ATP6V1D: variants seen among roughly 807,000 people sequenced by gnomAD.
The protein encoded by ATP6V1D is V-type proton ATPase subunit D.
In ATP6V1D, 20 loss-of-function variants were observed where a neutral mutation model predicts 39.4. The observed-to-expected ratio is 0.51, with a 90% CI of 0.36 to 0.74. ATP6V1D has a LOEUF of 0.74. Ranked by LOEUF, ATP6V1D falls within the 30% of genes least tolerant of loss-of-function variation. The probability of loss-of-function intolerance (pLI) is 0.00; values close to 1 mark genes in which losing one functional copy is unlikely to be tolerated. For synonymous variants in ATP6V1D, 100 were observed against 100.5 expected, an observed-to-expected ratio of 0.99 and a Z score of 0.03; for missense variants, 228 against 291.6, an observed-to-expected ratio of 0.78 and a Z score of 1.59.
At chr14:67,358,470 A>T (rs1226425597) in intron 1 of ATP6V1D, among the ~76,000 whole-genome samples, 1 of 152,202 alleles carries the variant, frequency 6.6e-6, no homozygotes, top group South Asian at 2.1e-4. Context: ...AAACACCCCC[A>T]CAGAGATAGG....
intron 8 of ATP6V1D, 114 bp downstream of exon 8, chr14:67,340,326 T>G (rs2085569909): frequency 1.2e-6 from 1 of 858,994 alleles, no homozygotes; most frequent in Non-Finnish European, 1.9e-6. Flanking sequence ...TTTATCAGAA[T>G]AAAACATAAG....
intron 8 of ATP6V1D, chr14:67,340,223 G>C (rs1338674476): frequency 2.5e-5 from 12 of 472,264 alleles, no homozygotes; most frequent in South Asian, 2.4e-4. Flanking sequence ...TCTCTGAAAG[G>C]CCTAAGTTTT....
At chr14:67,359,061 G>C (rs770228717) in intron 1 of ATP6V1D, among the ~76,000 whole-genome samples, 1 of 152,204 alleles carries the variant, frequency 6.6e-6, no homozygotes, top group Non-Finnish European at 1.5e-5. Flanking sequence ...AGCGGTGAGA[G>C]AGCAAAAGCA....
At chr14:67,356,775 C>G (rs2085687918) in intron 1 of ATP6V1D, among the ~76,000 whole-genome samples, 1 of 152,160 alleles carries the variant, frequency 6.6e-6, no homozygotes, top group Non-Finnish European at 1.5e-5. Context: ...ACTGACTGGT[C>G]TCACAAGAGG....
At chr14:67,353,980 G>C (rs2085670971) in intron 1 of ATP6V1D, 1 of 148,108 alleles carries the variant, frequency 6.8e-6, no homozygotes, top group African/African-American at 2.5e-5. Context: ...AAAAAAAAAG[G>C]CATGTTCGAC....
At chr14:67,358,688 T>C (rs1174858439) in intron 1 of ATP6V1D, among the ~76,000 whole-genome samples, 1 of 152,136 alleles carries the variant, frequency 6.6e-6, no homozygotes, top group Non-Finnish European at 1.5e-5. Flanking sequence ...AGACCCTGTC[T>C]CTTATTAAAA....
intron 7 of ATP6V1D, among the ~76,000 whole-genome samples, chr14:67,341,619 G>A (rs1253459303): frequency 6.6e-6 from 1 of 151,470 alleles, no homozygotes; most frequent in African/African-American, 2.4e-5. Context: ...GGGCGCCTCT[G>A]CCCGGCCACC....
rs776176223 is a variant in ATP6V1D at position 67,359,720 on chromosome 14, C to G, written c.-22G>C. The stretch of plus-strand genomic sequence containing the variant: ...ACATTCTGACGATAACTTTTCGGCT[C>G]GGGTCCCCGGCCGGGCAACCGAGGC... On this transcript the variant is annotated 5_prime_UTR_variant, in exon 1 of 9. Transcript: ENST00000216442. 1.2e-6 allele frequency: 2 copies of G among 1,613,628 alleles called. No individual in the cohort carries two copies. The highest frequency in any genetic ancestry group is 1.3e-5 in the African/African-American group (1 of 74,988).
At chr14:67,342,210 AAAT>A (rs1164600985) in intron 7 of ATP6V1D, among the ~76,000 whole-genome samples, 13,801 of 125,176 alleles carry the variant, frequency 0.11, 802 homozygotes, top group African/African-American at 0.2. Flanking sequence ...ATAAATAAAT[AAAT>A]AAAATAAAAT....
intron 3 of ATP6V1D, among the ~76,000 whole-genome samples, chr14:67,349,979 TTAGCCAAGTG>T (rs2085645236): frequency 6.6e-6 from 1 of 152,330 alleles, no homozygotes; most frequent in South Asian, 2.1e-4. Flanking sequence ...CTGCCCCTAA[TTAGCCAAGTG>T]ACCTCAGGAA....
At chr14:67,357,116 C>T (rs1181385949) in intron 1 of ATP6V1D, among the ~76,000 whole-genome samples, 1 of 152,200 alleles carries the variant, frequency 6.6e-6, no homozygotes, top group Non-Finnish European at 1.5e-5. Context: ...TAGTGGACTT[C>T]TGTTGACTCC....
chr14:67,338,497 G>A lies in ATP6V1D; in HGVS notation c.*124C>T, dbSNP rs1595631870. Reference sequence around the variant, plus strand: ...AGTAATCCCATAAATAGACATCTAGGTAAATTTTACAACCAGTGAAATTCT... The same window carrying A: ...AGTAATCCCATAAATAGACATCTAGATAAATTTTACAACCAGTGAAATTCT... On this transcript the variant is annotated 3_prime_UTR_variant, in exon 9 of 9. Transcript: ENST00000216442. 3 of 1,058,194 alleles carry A rather than the reference G, an allele frequency of 2.8e-6. No individual in the cohort carries two copies. In the East Asian group the frequency reaches 7.6e-5, roughly 27 times the overall value. The allele number at this position is 1,058,194 out of a possible 1,614,324, so 65.6% of individuals were successfully genotyped here.
intron 4 of ATP6V1D, among the ~76,000 whole-genome samples, chr14:67,348,483 G>A (rs1018134263): frequency 6.6e-6 from 1 of 151,352 alleles, no homozygotes; most frequent in Non-Finnish European, 1.5e-5. Flanking sequence ...GGGATTACAG[G>A]TGTGAGCCAC....
chr14:67,343,304 C>G, intron 7 of ATP6V1D, 68 bp downstream of exon 7: 6 of 1,233,916 alleles, frequency 4.9e-6, no homozygotes, highest in Admixed American at 1.9e-5. Flanking sequence ...TCCCTGAATT[C>G]TAGCAGTTTC....
Position 67,358,510 on chromosome 14 carries a change from T to G in ATP6V1D, c.41+1148A>C, listed in dbSNP as rs1244358012. On this transcript the variant is annotated intron_variant, in intron 1 of 8. Transcript: ENST00000216442. The stretch of plus-strand genomic sequence containing the variant: ...CAATAAAAGGGTCTAAATGTCAGGG[T>G]CAAAACTGATTTTCTGCTTCCTCAC... Among the ~76,000 whole-genome samples the G allele has an allele frequency of 2.0e-5, 3 of 151,022 alleles. No individual in the cohort carries two copies. In the East Asian group the frequency reaches 5.8e-4, roughly 29 times the overall value.
At chr14:67,343,550 T>A in intron 6 of ATP6V1D, 112 bp from the exon 7 acceptor site, 1 of 797,910 alleles carries the variant, frequency 1.3e-6, no homozygotes, top group Non-Finnish European at 2.0e-6. Context: ...CCAAGACAAC[T>A]TCTTTTTGGC....
At chr14:67,343,847 C>A (rs986937581) in intron 6 of ATP6V1D, among the ~76,000 whole-genome samples, 1 of 152,186 alleles carries the variant, frequency 6.6e-6, no homozygotes, top group African/African-American at 2.4e-5. Flanking sequence ...CAGAGTAAGA[C>A]CCTGTCTCTT....
chr14:67,355,055 G>A lies in ATP6V1D; in HGVS notation c.42-2015C>T, dbSNP rs149401474. ...TCGAACTCCTGACCTCAGGTGATCC[G>A]CCCACCTCGGCCTCACAAAGTGCTA... On this transcript the variant is annotated intron_variant, in intron 1 of 8. Transcript: ENST00000216442. 5.8e-3 allele frequency among the ~76,000 whole-genome samples: 879 copies of A among 151,968 alleles called. 10 individuals carry two copies. The highest frequency in any genetic ancestry group is 5.4e-3 in the South Asian group (26 of 4,816).
At chr14:67,344,783 G>A (rs1201921256) in intron 6 of ATP6V1D, among the ~76,000 whole-genome samples, 4 of 151,932 alleles carry the variant, frequency 2.6e-5, no homozygotes, top group African/African-American at 7.3e-5. Flanking sequence ...TTGGGAGGCT[G>A]AGGCGGGAGA....
Sources: allele counts gnomAD v4.1 joint callset (sites outside exome capture counted in the v4.1 genomes callset), GRCh38; gene constraint gnomAD v4.1.1; transcripts MANE v1.5; gene names NCBI Gene and HGNC (gene_info 2026-07-23, HGNC 2026-07-21).